TANC1: variants seen among roughly 807,000 people sequenced by gnomAD.
The protein encoded by TANC1 is protein TANC1.
In TANC1, 77 loss-of-function variants were observed where a neutral mutation model predicts 149.7. The ratio of observed to expected loss-of-function variants is 0.51; its 90% confidence interval spans 0.43 to 0.62. The LOEUF (loss-of-function observed/expected upper bound fraction) is 0.62. Among genes scored for constraint, TANC1 ranks in the 20% least tolerant of loss-of-function variants. The probability of loss-of-function intolerance (pLI) is 0.00; values close to 1 mark genes in which losing one functional copy is unlikely to be tolerated. For missense variants in TANC1, 1,985 were observed against 2,321.8 expected, an observed-to-expected ratio of 0.85 and a Z score of 2.98; for synonymous variants, 854 against 925.0, an observed-to-expected ratio of 0.92 and a Z score of 1.39.
rs1265922686 is a variant in TANC1, at chr2:159,133,631, G to T, written c.260-2563G>T. On this transcript the variant is annotated intron_variant, in intron 4 of 26. Coordinates refer to ENST00000263635, the MANE Select transcript of TANC1 (RefSeq NM_033394.3). ...AACCCCCACAAGTCTTTTTCCCTAC[G>T]CATATTTATGTGTGGATATATATAT... is the stretch of plus-strand genomic sequence containing the variant. 2.7e-5 allele frequency among the ~76,000 whole-genome samples: 4 copies of T among 147,598 alleles called. No individual in the cohort carries two copies. The East Asian group carries it at 8.4e-4, about 31-fold the overall frequency.
chr2:158,999,734 G>C (rs776162678), intron 1 of TANC1, among the ~76,000 whole-genome samples: 7 of 152,206 alleles, frequency 4.6e-5, no homozygotes, highest in African/African-American at 1.4e-4. Flanking sequence ...AGTGGCTGAT[G>C]ATGAGTCAAT....
chr2:159,035,216 G>T (rs1310115187), intron 2 of TANC1, among the ~76,000 whole-genome samples: 1 of 151,666 alleles, frequency 6.6e-6, no homozygotes, highest in African/African-American at 2.4e-5. Flanking sequence ...GTTTTTTTTT[G>T]AAGGAGTCAG....
At chr2:159,072,826 C>T (rs964434608) in intron 3 of TANC1, among the ~76,000 whole-genome samples, 1 of 151,994 alleles carries the variant, frequency 6.6e-6, no homozygotes, top group Non-Finnish European at 1.5e-5. Flanking sequence ...GGACTGATCT[C>T]AGATGAAGAG....
At chr2:159,020,364 T>C (rs2038724190) in intron 2 of TANC1, among the ~76,000 whole-genome samples, 2 of 152,164 alleles carry the variant, frequency 1.3e-5, no homozygotes, top group Admixed American at 1.3e-4. Flanking sequence ...TCCACCTGCC[T>C]TGGCCTCCCG....
chr2:159,056,913 A>G (rs2149630441), intron 2 of TANC1: 1 of 242,694 alleles, frequency 4.1e-6, no homozygotes, highest in Non-Finnish European at 8.8e-6. Flanking sequence ...TCCGTGAACT[A>G]CAGGAGCAGG....
chr2:159,207,235 G>C (rs1426500158), intron 19 of TANC1, among the ~76,000 whole-genome samples: 1 of 152,230 alleles, frequency 6.6e-6, no homozygotes, highest in East Asian at 1.9e-4. Context: ...GAATTAGAGG[G>C]GAACACAATC....
intron 4 of TANC1, 102 bp from the exon 5 acceptor site, chr2:159,136,092 C>T: frequency 1.4e-6 from 1 of 696,070 alleles, no homozygotes. Flanking sequence ...CTGGCTCTTC[C>T]TCTAGGCATA....
rs746835119 is a variant in TANC1 at position 159,178,823 on chromosome 2, G to T, written c.2170G>T (p.Ala724Ser). 3 of 1,614,200 alleles carry T rather than the reference G, an allele frequency of 1.9e-6. No homozygotes were observed. In the South Asian group the frequency reaches 3.3e-5, roughly 18 times the overall value. The change falls in exon 14 of 27, where the codon GCC (alanine) becomes TCC (serine). Residue 724 changes from alanine to serine, a missense_variant. By Grantham distance (99) the Ala-to-Ser change is moderately conservative. Coordinates refer to ENST00000263635, the MANE Select transcript of TANC1 (RefSeq NM_033394.3). ...GAGGGGCCACTTGGTCATTAAGAGT[G>T]CCAGCTACAAGGTGGTGCCCGTGTC... ...FQRGHLVIKS[A>S]SYKVVPVSLS...
At chr2:159,182,930 G>GT (rs1257217875) in intron 14 of TANC1, among the ~76,000 whole-genome samples, 1 of 152,238 alleles carries the variant, frequency 6.6e-6, no homozygotes, top group South Asian at 2.1e-4. Flanking sequence ...GAACAAGGCT[G>GT]TTGCAGACAG....
chr2:159,086,778 A>G (rs1244323778), intron 3 of TANC1, among the ~76,000 whole-genome samples: 1 of 152,200 alleles, frequency 6.6e-6, no homozygotes, highest in African/African-American at 2.4e-5. Context: ...AATAACCACC[A>G]TCATCTTACT....
intron 3 of TANC1, among the ~76,000 whole-genome samples, chr2:159,072,915 T>C (rs2043285720): frequency 6.6e-6 from 1 of 152,214 alleles, no homozygotes; most frequent in Non-Finnish European, 1.5e-5. Context: ...AAGGCTCTTC[T>C]CCCAGCTTCA....
intron 4 of TANC1, among the ~76,000 whole-genome samples, chr2:159,118,677 G>A (rs2048545248): frequency 6.6e-6 from 1 of 151,992 alleles, no homozygotes; most frequent in African/African-American, 2.4e-5. Context: ...ATTTTTGGCC[G>A]GCCTGGAAAG....
chr2:159,069,144 C>T (rs566307147), intron 3 of TANC1, among the ~76,000 whole-genome samples: 1 of 152,220 alleles, frequency 6.6e-6, no homozygotes, highest in African/African-American at 2.4e-5. Context: ...GCATTTTTAC[C>T]TAGGAAATGC....
intron 3 of TANC1, among the ~76,000 whole-genome samples, chr2:159,070,421 C>T (rs989329028): frequency 2.6e-5 from 4 of 152,172 alleles, no homozygotes; most frequent in African/African-American, 9.7e-5. Flanking sequence ...ACATTATTAT[C>T]ACCCAAAGTC....
At chr2:159,128,519 G>T (rs185155827) in intron 4 of TANC1, among the ~76,000 whole-genome samples, 3 of 152,312 alleles carry the variant, frequency 2.0e-5, no homozygotes, top group East Asian at 3.9e-4. Flanking sequence ...TTTCCAGCTT[G>T]GTCAGTTCAT....
At chr2:159,020,931 A>G (rs1295193031) in intron 2 of TANC1, among the ~76,000 whole-genome samples, 2 of 149,480 alleles carry the variant, frequency 1.3e-5, no homozygotes, top group Admixed American at 1.3e-4. Flanking sequence ...TGGTGCTTCT[A>G]CTTTTATCTT....
chr2:159,223,709 C>G (rs1220508443), intron 22 of TANC1, among the ~76,000 whole-genome samples: 2 of 152,178 alleles, frequency 1.3e-5, no homozygotes, highest in African/African-American at 4.8e-5. Flanking sequence ...ATCAAACTTG[C>G]CATCTTTACT....
At chr2:159,106,510 T>C (rs181984585) in intron 4 of TANC1, among the ~76,000 whole-genome samples, 2 of 152,350 alleles carry the variant, frequency 1.3e-5, no homozygotes, top group East Asian at 3.9e-4. Flanking sequence ...CAGTAAAATA[T>C]TGTTTGGTAA....
chr2:159,066,816 T>A (rs937200897), intron 3 of TANC1, among the ~76,000 whole-genome samples: 1 of 152,238 alleles, frequency 6.6e-6, no homozygotes, highest in African/African-American at 2.4e-5. Flanking sequence ...GTGCATATTG[T>A]CACTGTGACT....
Sources: allele counts gnomAD v4.1 joint callset (sites outside exome capture counted in the v4.1 genomes callset), GRCh38; gene constraint gnomAD v4.1.1; transcripts MANE v1.5; gene names NCBI Gene and HGNC (gene_info 2026-07-23, HGNC 2026-07-21).